CSMD1: variants seen among roughly 807,000 people sequenced by gnomAD.
CSMD1 encodes CUB and sushi domain-containing protein 1.
In CSMD1, 213 loss-of-function variants were observed where a neutral mutation model predicts 417.5. That is an observed-to-expected ratio of 0.51 (90% confidence interval 0.46 to 0.57). CSMD1 has a LOEUF of 0.57. CSMD1 is among the 20% of genes least tolerant of loss of function. The pLI is 0.00. For synonymous variants in CSMD1, 2,862 were observed against 1,736.8 expected (o/e 1.65, Z -16.11); for missense variants, 6,923 against 4,529.7 (o/e 1.53, Z -15.17).
intron 3 of CSMD1, among the ~76,000 whole-genome samples, chr8:4,086,720 G>A (rs1350057325): frequency 6.6e-6 from 1 of 152,188 alleles, no homozygotes; most frequent in East Asian, 1.9e-4. Flanking sequence ...GTAGATAGAT[G>A]ACATTGACAA....
chr8:4,183,368 A>C (rs148011397), intron 3 of CSMD1, among the ~76,000 whole-genome samples: 15 of 152,310 alleles, frequency 9.8e-5, no homozygotes, highest in African/African-American at 3.6e-4. Context: ...CTAAATGGTA[A>C]CTTCTTCTTT....
intron 1 of CSMD1, among the ~76,000 whole-genome samples, chr8:4,795,163 G>C (rs1302053248): frequency 6.8e-6 from 1 of 147,556 alleles, no homozygotes; most frequent in Admixed American, 6.8e-5. Flanking sequence ...TAAGAATGTA[G>C]TAGCCACATT....
In CSMD1 at chr8:3,265,959, G is replaced by A. The variant is rs73500051; in HGVS notation, c.4153+18185C>T. Among the ~76,000 whole-genome samples, 547 of 151,934 alleles carry A rather than the reference G, an allele frequency of 3.6e-3. 3 individuals carry two copies. The highest frequency in any genetic ancestry group is 0.013 in the African/African-American group (530 of 41,460). ...GGGAAAGGGGTCCAGTTTTGGATGC[G>A]TTATTTTTAGATGTCTGCAAGATGT... On this transcript the variant is annotated intron_variant, in intron 26 of 69. Transcript: ENST00000635120.
intron 26 of CSMD1, among the ~76,000 whole-genome samples, chr8:3,277,674 C>G (rs1485132865): frequency 6.6e-6 from 1 of 152,124 alleles, no homozygotes; most frequent in Non-Finnish European, 1.5e-5. Context: ...GGTTGAGTTT[C>G]AGGTGTTGAG....
chr8:3,083,644 A>ATT (rs1814298068), intron 49 of CSMD1, among the ~76,000 whole-genome samples: 2 of 19,804 alleles, frequency 1.0e-4, no homozygotes, highest in African/African-American at 2.1e-4. Context: ...ATATATATAT[A>ATT]TATATTTTTT....
intron 3 of CSMD1, among the ~76,000 whole-genome samples, chr8:4,286,903 G>T (rs538221250): frequency 6.6e-6 from 1 of 152,278 alleles, no homozygotes; most frequent in African/African-American, 2.4e-5. Flanking sequence ...CCAAGGAGTT[G>T]ATTCAAATGA....
intron 5 of CSMD1, among the ~76,000 whole-genome samples, chr8:3,860,238 A>C (rs1033891892): frequency 2.8e-4 from 42 of 152,088 alleles, no homozygotes; most frequent in African/African-American, 9.2e-4. Context: ...CCAACTGCCT[A>C]CTCTGTTTCA....
At chr8:3,727,386 C>A (rs1392811325) in intron 6 of CSMD1, among the ~76,000 whole-genome samples, 1 of 152,136 alleles carries the variant, frequency 6.6e-6, no homozygotes, top group East Asian at 1.9e-4. Flanking sequence ...GCAGCCCCGC[C>A]CAGGTACCAA....
At chr8:3,603,962 A>C (rs902135003) in intron 8 of CSMD1, among the ~76,000 whole-genome samples, 5 of 152,238 alleles carry the variant, frequency 3.3e-5, no homozygotes, top group African/African-American at 9.6e-5. Context: ...TGTTCTTACA[A>C]GTTTACCTGT....
intron 5 of CSMD1, among the ~76,000 whole-genome samples, chr8:3,984,758 T>C (rs907766219): frequency 2.2e-5 from 3 of 137,338 alleles, no homozygotes; most frequent in East Asian, 2.1e-4. Flanking sequence ...TATATTTGTA[T>C]GTATTTGTGC....
chr8:4,350,369 C>A (rs1444527217), intron 3 of CSMD1, among the ~76,000 whole-genome samples: 1 of 152,152 alleles, frequency 6.6e-6, no homozygotes, highest in Non-Finnish European at 1.5e-5. Context: ...GGAGAAAAAT[C>A]AAAATAGTGT....
At chr8:3,827,433 A>C (rs546082295) in intron 5 of CSMD1, among the ~76,000 whole-genome samples, 84 of 152,334 alleles carry the variant, frequency 5.5e-4, no homozygotes, top group African/African-American at 1.8e-3. Flanking sequence ...AACACATCTT[A>C]TTAAGCAAAT....
intron 52 of CSMD1, among the ~76,000 whole-genome samples, chr8:3,014,286 C>T (rs1456303259): frequency 6.6e-6 from 1 of 152,138 alleles, no homozygotes; most frequent in Non-Finnish European, 1.5e-5. Flanking sequence ...CACATGGTGT[C>T]TTGGAAACTA....
At chr8:3,912,273 A>G (rs929511645) in intron 5 of CSMD1, among the ~76,000 whole-genome samples, 2 of 151,940 alleles carry the variant, frequency 1.3e-5, no homozygotes, top group Non-Finnish European at 2.9e-5. Flanking sequence ...TATTCAAAAA[A>G]CAATATACGG....
intron 3 of CSMD1, among the ~76,000 whole-genome samples, chr8:4,182,500 A>C (rs1249802814): frequency 1.3e-5 from 2 of 152,194 alleles, no homozygotes; most frequent in Non-Finnish European, 2.9e-5. Flanking sequence ...TCACATTATT[A>C]GCGAAATGTT....
chr8:4,838,428 T>C (rs1478469581), intron 1 of CSMD1, among the ~76,000 whole-genome samples: 1 of 152,202 alleles, frequency 6.6e-6, no homozygotes, highest in Non-Finnish European at 1.5e-5. Context: ...TAATTAAGCA[T>C]AGCTCAAACC....
chr8:3,921,757 G>C (rs993002157), intron 5 of CSMD1, among the ~76,000 whole-genome samples: 1 of 152,116 alleles, frequency 6.6e-6, no homozygotes, highest in African/African-American at 2.4e-5. Context: ...TACCAAATAT[G>C]AGTGCAATCT....
intron 3 of CSMD1, among the ~76,000 whole-genome samples, chr8:4,242,492 G>A (rs1468695589): frequency 1.3e-5 from 2 of 152,164 alleles, no homozygotes; most frequent in Non-Finnish European, 2.9e-5. Context: ...CTTCCTGAGA[G>A]CAATTTTCAT....
chr8:3,575,421 A>G (rs1339671582), intron 9 of CSMD1, among the ~76,000 whole-genome samples: 1 of 152,182 alleles, frequency 6.6e-6, no homozygotes, highest in East Asian at 1.9e-4. Flanking sequence ...GTCGTTGTTC[A>G]GAGAGTCTCC....
Sources: allele counts gnomAD v4.1 joint callset (sites outside exome capture counted in the v4.1 genomes callset), GRCh38; gene constraint gnomAD v4.1.1; transcripts MANE v1.5; gene names NCBI Gene and HGNC (gene_info 2026-07-23, HGNC 2026-07-21).